Variants in ANK3 observed in about 807,000 individuals in gnomAD.
ANK3 encodes the protein ankyrin-3.
In ANK3, 57 loss-of-function variants were observed where a neutral mutation model predicts 370.9. The observed-to-expected ratio is 0.15, with a 90% CI of 0.12 to 0.19. ANK3 has a LOEUF of 0.19. Among genes scored for constraint, ANK3 ranks in the 10% least tolerant of loss-of-function variants. ANK3 has a pLI of 1.00. For missense variants in ANK3, 4,439 were observed against 5,302.1 expected, an observed-to-expected ratio of 0.84 and a Z score of 5.06; for synonymous variants, 1,929 against 1,946.3, an observed-to-expected ratio of 0.99 and a Z score of 0.23.
At chr10:60,575,190 C>T (rs1038436263) in intron 2 of ANK3, among the ~76,000 whole-genome samples, 2 of 151,954 alleles carry the variant, frequency 1.3e-5, no homozygotes, top group African/African-American at 2.4e-5. Flanking sequence ...GGAAATTGAT[C>T]GAATAAACAT....
intron 1 of ANK3, among the ~76,000 whole-genome samples, chr10:60,623,247 G>A (rs146029667): frequency 6.6e-6 from 1 of 152,252 alleles, no homozygotes; most frequent in Non-Finnish European, 1.5e-5. Flanking sequence ...AAGAGCATAA[G>A]GCAGGTACAA....
chr10:60,345,399 A>T (rs2055219963), intron 1 of ANK3, among the ~76,000 whole-genome samples: 2 of 152,108 alleles, frequency 1.3e-5, no homozygotes, highest in Admixed American at 1.3e-4. Context: ...GGTCATTTAG[A>T]TTACCTGTTA....
At chr10:60,559,139 T>C (rs1050071774) in intron 2 of ANK3, among the ~76,000 whole-genome samples, 9 of 152,180 alleles carry the variant, frequency 5.9e-5, no homozygotes, top group African/African-American at 2.2e-4. Context: ...AAATTTTCAA[T>C]AGGTTTTTGG....
At position 60,395,632 on chromosome 10, in the gene ANK3, C is replaced by G. The variant is rs1306340285; in HGVS notation, c.97-115993G>C. On this transcript the variant is annotated intron_variant, in intron 2 of 43. Coordinates refer to the ANK3 transcript ENST00000373827. ...TCTCTCTTTCGTTCTCTCTCTCTCT[C>G]TCTCTCTCTCTCTCTCTCTTTCTTT... Among the ~76,000 whole-genome samples the G allele has an allele frequency of 2.0e-5, 3 of 148,686 alleles. No homozygotes were observed. The East Asian group carries it at 6.0e-4, about 30-fold the overall frequency.
intron 8 of ANK3, among the ~76,000 whole-genome samples, chr10:60,228,617 G>A (rs6479705): frequency 0.77 from 115,993 of 151,352 alleles, 44,468 homozygotes; most frequent in East Asian, 0.86. Context: ...AAACAATTTA[G>A]TATTCATAAT....
intron 1 of ANK3, among the ~76,000 whole-genome samples, chr10:60,374,328 T>C (rs1389954404): frequency 6.6e-6 from 1 of 152,130 alleles, no homozygotes; most frequent in African/African-American, 2.4e-5. Context: ...TTTGGTTTCC[T>C]GAGAGATACA....
intron 1 of ANK3, among the ~76,000 whole-genome samples, chr10:60,299,564 A>G (rs2043252114): frequency 6.6e-6 from 1 of 152,234 alleles, no homozygotes; most frequent in African/African-American, 2.4e-5. Flanking sequence ...ATGAAAGGAT[A>G]TAGGTAGAAA....
At chr10:60,651,485 C>T (rs190536576) in intron 1 of ANK3, among the ~76,000 whole-genome samples, 1 of 152,300 alleles carries the variant, frequency 6.6e-6, no homozygotes. Flanking sequence ...ATACAAGAAA[C>T]ATACTTTTTT....
intron 1 of ANK3, among the ~76,000 whole-genome samples, chr10:60,711,449 T>G (rs2079705817): frequency 6.6e-6 from 1 of 151,770 alleles, no homozygotes; most frequent in African/African-American, 2.4e-5. Context: ...TTTAATAGGC[T>G]CAGCTGTAGA....
At chr10:60,225,380 A>G (rs1354378659) in intron 8 of ANK3, among the ~76,000 whole-genome samples, 1 of 152,186 alleles carries the variant, frequency 6.6e-6, no homozygotes, top group Non-Finnish European at 1.5e-5. Flanking sequence ...CTTTGCAGCA[A>G]TTCTATGAGA....
chr10:60,601,952 G>A (rs1029197048), intron 2 of ANK3, among the ~76,000 whole-genome samples: 15 of 152,214 alleles, frequency 9.9e-5, no homozygotes, highest in African/African-American at 2.2e-4. Flanking sequence ...GAAGTACAGC[G>A]TATATAGATG....
intron 8 of ANK3, among the ~76,000 whole-genome samples, chr10:60,232,233 G>A (rs1379412074): frequency 5.3e-5 from 8 of 152,128 alleles, no homozygotes; most frequent in African/African-American, 1.9e-4. Context: ...TCACCAGAGA[G>A]AGAAATAAGG....
chr10:60,076,436 G>C lies in ANK3; in HGVS notation c.4445C>G (p.Thr1482Arg). Residue 1482 changes from threonine to arginine, a missense_variant, in exon 37 of 44, where the codon ACA becomes AGA. Coordinates refer to ENST00000280772, the MANE Select transcript of ANK3 (RefSeq NM_020987.5). ...LTEPGMIERS[T>R]GATRSLPTTY... ...GGTGGGGAGGGATCTTGTTGCTCCTGTACTCCGTTCAACTGTTTCTTAAAT... is the reference window on the plus strand; with the variant it reads ...GGTGGGGAGGGATCTTGTTGCTCCTCTACTCCGTTCAACTGTTTCTTAAAT... 6.3e-7 allele frequency: 1 copy of C among 1,590,378 alleles called. No individual in the cohort carries two copies. Among genetic ancestry groups the C allele is most frequent in the South Asian group, 1.1e-5 (1 of 87,574 alleles).
At chr10:60,277,024 T>C (rs774353023) in intron 4 of ANK3, among the ~76,000 whole-genome samples, 6 of 152,182 alleles carry the variant, frequency 3.9e-5, no homozygotes, top group Non-Finnish European at 7.3e-5. Context: ...AAGAGAACTC[T>C]CCTAGGGAAT....
chr10:60,251,459 G>A (rs1000998771), intron 7 of ANK3, among the ~76,000 whole-genome samples: 4 of 152,122 alleles, frequency 2.6e-5, no homozygotes, highest in African/African-American at 7.2e-5. Context: ...ACTGTTATTC[G>A]TGTGAGACTG....
chr10:60,552,685 G>T (rs2077114782), intron 2 of ANK3, among the ~76,000 whole-genome samples: 1 of 152,176 alleles, frequency 6.6e-6, no homozygotes, highest in East Asian at 1.9e-4. Context: ...ATCTACTAAA[G>T]CTTTGCTAAA....
In ANK3 at chr10:60,380,446, G is replaced by T. The variant is rs566471216; in HGVS notation, c.114+8979C>A. On this transcript the variant is annotated intron_variant, in intron 1 of 43. Coordinates refer to ENST00000280772, the MANE Select transcript of ANK3 (RefSeq NM_020987.5). ...AGGGCTGGAAATCAGACCAACTGGG[G>T]TTTGAATTACAGCTTTACACTTACT... Among the ~76,000 whole-genome samples, 279 of 152,230 alleles carry T rather than the reference G, an allele frequency of 1.8e-3. 5 individuals are homozygous for T. Among genetic ancestry groups the T allele is most frequent in the Non-Finnish European group, 9.3e-4 (63 of 68,012 alleles).
chr10:60,168,679 C>T (rs926111031), intron 21 of ANK3, among the ~76,000 whole-genome samples: 1 of 152,128 alleles, frequency 6.6e-6, no homozygotes, highest in Non-Finnish European at 1.5e-5. Flanking sequence ...CATGCATGAG[C>T]TATTTATCCT....
intron 1 of ANK3, among the ~76,000 whole-genome samples, chr10:60,292,638 A>C (rs34874762): frequency 0.082 from 12,423 of 151,238 alleles, 697 homozygotes; most frequent in Middle Eastern, 0.19. Flanking sequence ...TACCTAAAGT[A>C]TTTTTCATTT....
Sources: gnomAD v4.1 joint callset for allele counts (sites outside exome capture counted in the v4.1 genomes callset) on GRCh38, gnomAD v4.1.1 for gene constraint, MANE v1.5 for transcripts, NCBI Gene and HGNC (gene_info 2026-07-23, HGNC 2026-07-21) for gene names.